The following RAD51B variants were observed in gnomAD, a reference collection of about 807,000 sequenced individuals.
The protein encoded by RAD51B is RAD51 paralog B, also known as DNA repair protein RAD51 homolog 2.
Under a neutral mutation model 42.2 loss-of-function variants are expected in RAD51B, and 38 were observed. The ratio of observed to expected loss-of-function variants is 0.90; its 90% confidence interval spans 0.70 to 1.18. RAD51B has a LOEUF of 1.18. Among genes scored for constraint, RAD51B ranks in the 50% most tolerant of loss-of-function variants. The pLI, the probability that RAD51B is intolerant of heterozygous loss-of-function variation, is 0.00. For missense variants in RAD51B, 373 were observed against 400.7 expected (o/e 0.93, Z 0.59); for synonymous variants, 154 against 145.2 (o/e 1.06, Z -0.43).
chr14:68,039,996 T>C (rs986385326), intron 7 of RAD51B, among the ~76,000 whole-genome samples: 1 of 152,208 alleles, frequency 6.6e-6, no homozygotes, highest in Non-Finnish European at 1.5e-5. Flanking sequence ...CTACCCACTG[T>C]TGGGAGGTAG....
At chr14:68,671,396 A>G (rs570682581) in intron 11 of RAD51B, among the ~76,000 whole-genome samples, 2 of 152,290 alleles carry the variant, frequency 1.3e-5, no homozygotes, top group African/African-American at 2.4e-5. Flanking sequence ...TTGCTGTACC[A>G]TGCCCTCCCC....
intron 10 of RAD51B, among the ~76,000 whole-genome samples, chr14:68,521,186 G>T (rs937102498): frequency 2.6e-5 from 4 of 152,200 alleles, no homozygotes; most frequent in African/African-American, 4.8e-5. Context: ...CAGAGCTCAC[G>T]AAGGAGGCAC....
intron 7 of RAD51B, among the ~76,000 whole-genome samples, chr14:68,258,357 C>A: frequency 6.6e-6 from 1 of 151,854 alleles, no homozygotes; most frequent in Admixed American, 6.6e-5. Context: ...GCCATGATTG[C>A]ACATGCCAGT....
chr14:68,482,854 A>G (rs1206390693), downstream of RAD51B, among the ~76,000 whole-genome samples: 1 of 152,208 alleles, frequency 6.6e-6, no homozygotes, highest in Non-Finnish European at 1.5e-5. Flanking sequence ...ATCACTAGAC[A>G]TAAGTCAGGA....
At position 68,384,666 on chromosome 14, in the gene RAD51B, A is replaced by G. The variant is rs557065658; in HGVS notation, c.854-26758A>G. Among the ~76,000 whole-genome samples the G allele has an allele frequency of 1.1e-4, 16 of 152,276 alleles. 1 individual carries two copies. In the South Asian group the frequency reaches 3.3e-3, roughly 32 times the overall value. ...GGAAAGTTGTCTTGGGATCAGAATT[A>G]AGGTTCCTTTTTCTTGTTTTCATTT... On this transcript the variant is annotated intron_variant, in intron 8 of 10. Transcript: ENST00000471583.
chr14:68,679,827 T>G (rs776188130), intron 11 of RAD51B, among the ~76,000 whole-genome samples: 16 of 152,248 alleles, frequency 1.1e-4, no homozygotes, highest in Non-Finnish European at 1.8e-4. Flanking sequence ...AAGTTGTAGG[T>G]GTTCTATAAC....
At chr14:68,595,138 C>A (rs1890936459) in exon 11 of RAD51B, 1 of 1,066,692 alleles carries the variant, frequency 9.4e-7, no homozygotes, top group Non-Finnish European at 1.1e-6. Context: ...GTTAGGAGCG[C>A]TGGAACGTTT....
At chr14:68,614,008 G>T (rs180801623), downstream of RAD51B, among the ~76,000 whole-genome samples, 2 of 152,278 alleles carry the variant, frequency 1.3e-5, no homozygotes, top group Admixed American at 1.3e-4. Context: ...ACTGTAAAGT[G>T]CCTCACTGTG....
At chr14:68,247,500 G>C (rs552802076) in intron 7 of RAD51B, among the ~76,000 whole-genome samples, 1 of 152,156 alleles carries the variant, frequency 6.6e-6, no homozygotes, top group African/African-American at 2.4e-5. Context: ...ATTTCCTGAT[G>C]CCTGGTTTAT....
chr14:67,842,201 G>A (rs2041453253), intron 4 of RAD51B, among the ~76,000 whole-genome samples: 1 of 152,050 alleles, frequency 6.6e-6, no homozygotes, highest in African/African-American at 2.4e-5. Context: ...GAATGTTATT[G>A]GTGTATAGAA....
intron 7 of RAD51B, among the ~76,000 whole-genome samples, chr14:68,015,841 C>T (rs2075770511): frequency 6.6e-6 from 1 of 152,214 alleles, no homozygotes; most frequent in Admixed American, 6.5e-5. Context: ...ACAATCGTTT[C>T]ACTTTTCTCT....
chr14:68,239,680 G>A (rs866680491), intron 7 of RAD51B, among the ~76,000 whole-genome samples: 6 of 152,136 alleles, frequency 3.9e-5, no homozygotes, highest in African/African-American at 1.2e-4. Context: ...TGAGACCCTG[G>A]AGTTCCCTTT....
In RAD51B at chr14:67,855,293, C is replaced by T. The variant is rs547103180; in HGVS notation, c.316-9710C>T. Among the ~76,000 whole-genome samples the T allele has an allele frequency of 1.6e-3, 248 of 151,872 alleles. 7 individuals are homozygous for T. In the South Asian group the frequency reaches 0.05, roughly 31 times the overall value. On this transcript the variant is annotated intron_variant, in intron 4 of 10. Transcript: ENST00000471583. ...TTGCACAGGCTGGAGTGCAGTGGTG[C>T]GATCTCGGCTCAATGTAAGCTCCGC...
chr14:68,233,417 G>T (rs568613379), intron 7 of RAD51B, among the ~76,000 whole-genome samples: 1 of 152,242 alleles, frequency 6.6e-6, no homozygotes, highest in South Asian at 2.1e-4. Context: ...TAGAAGAAAT[G>T]TTCATTTTTA....
intron 10 of RAD51B, among the ~76,000 whole-genome samples, chr14:68,610,058 T>G (rs1258178337): frequency 6.6e-6 from 1 of 152,076 alleles, no homozygotes; most frequent in East Asian, 1.9e-4. Flanking sequence ...GCTCCCCAGA[T>G]CCCCACATTT....
At chr14:68,264,888 T>C (rs17105291) in intron 7 of RAD51B, among the ~76,000 whole-genome samples, 12,535 of 152,096 alleles carry the variant, frequency 0.082, 1,591 homozygotes, top group African/African-American at 0.27. Flanking sequence ...AAGGGAAATG[T>C]GTGGAGGCTG....
chr14:68,374,667 T>A lies in RAD51B; in HGVS notation c.854-36757T>A, dbSNP rs563969189. Reference sequence around the variant, plus strand: ...AATCATTTAAAGAGATGGCAATTTATCTTAAATACACGCCTCATTATAGAT... The same window carrying A: ...AATCATTTAAAGAGATGGCAATTTAACTTAAATACACGCCTCATTATAGAT... On this transcript the variant is annotated intron_variant, in intron 8 of 10. Coordinates refer to ENST00000471583, the MANE Select transcript of RAD51B (RefSeq NM_133510.4). Among the ~76,000 whole-genome samples the A allele has an allele frequency of 6.6e-5, 10 of 151,488 alleles. No individual in the cohort carries two copies. The South Asian group carries it at 1.1e-3, about 16-fold the overall frequency.
At chr14:68,192,700 C>T (rs1382373592) in intron 7 of RAD51B, among the ~76,000 whole-genome samples, 1 of 152,154 alleles carries the variant, frequency 6.6e-6, no homozygotes, top group African/African-American at 2.4e-5. Flanking sequence ...GGTCCTGAAC[C>T]TGATGAATGA....
chr14:68,642,123 G>A (rs1272011097), intron 10 of RAD51B, among the ~76,000 whole-genome samples: 1 of 152,184 alleles, frequency 6.6e-6, no homozygotes, highest in African/African-American at 2.4e-5. Flanking sequence ...CTCATAGAAT[G>A]AGTTAGGAGG....
Sources: allele counts gnomAD v4.1 joint callset (sites outside exome capture counted in the v4.1 genomes callset), GRCh38; gene constraint gnomAD v4.1.1; transcripts MANE v1.5; gene names NCBI Gene and HGNC (gene_info 2026-07-23, HGNC 2026-07-21).